The following SCN3B variants were observed in gnomAD, a reference collection of about 807,000 sequenced individuals.
SCN3B encodes sodium voltage-gated channel beta subunit 3.
Under a neutral mutation model 25.4 loss-of-function variants are expected in SCN3B, and 11 were observed. The ratio of observed to expected loss-of-function variants is 0.43; its 90% CI spans 0.27 to 0.72. The LOEUF (loss-of-function observed/expected upper bound fraction) is 0.72. Among genes scored for constraint, SCN3B ranks in the 30% least tolerant of loss-of-function variants. The pLI is 0.18. For missense variants in SCN3B, 218 were observed against 278.3 expected (o/e 0.78, Z 1.54); for synonymous variants, 109 against 110.7 (o/e 0.99, Z 0.09).
Position 123,642,849 on chromosome 11 carries a change from T to G in SCN3B, c.220-178A>C. On this transcript the variant is annotated intron_variant, in intron 3 of 6. Transcript: ENST00000299333. This position sits in a 1 kb window ranked among gnomAD's most constrained non-coding sequence, Gnocchi z 4.3. ...TGGGATGAAGAGGCACAGAGGAGGG[T>G]AGGGAAGGGAGCAAAGACAGGGAAG... is the stretch of plus-strand genomic sequence containing the variant. Among the ~76,000 whole-genome samples the G allele has an allele frequency of 6.5e-5, 9 of 139,422 alleles. No individual in the cohort carries two copies. The highest frequency in any genetic ancestry group is 4.2e-4 in the East Asian group (2 of 4,804). 91.5% of individuals were successfully genotyped at this position (139,422 alleles called of 152,430 possible). A position where few individuals can be genotyped will look rare whatever the true frequency, so the allele number is the denominator to read the frequency against.
intron 5 of SCN3B, among the ~76,000 whole-genome samples, chr11:123,636,728 C>G (rs1458217571): frequency 2.6e-5 from 4 of 151,230 alleles, no homozygotes; most frequent in African/African-American, 9.7e-5. Context: ...GAGTCTCGCT[C>G]TGTCGCCGAG....
Position 123,638,183 on chromosome 11 carries a change from T to TAA in SCN3B, c.584+2_584+3insTT. ...ATTATTACTTTGGCATCTCTGGACT[T>TAA]ACGCGTTTTCTTGGGCTGCCTCTTC... On this transcript the variant is annotated splice_region_variant and intron_variant, in intron 5 of 6. Transcript: ENST00000299333. 1.2e-6 allele frequency: 2 copies of TAA among 1,614,092 alleles called. No homozygotes were observed. Among genetic ancestry groups the TAA allele is most frequent in the Non-Finnish European group, 8.5e-7 (1 of 1,180,018 alleles).
chr11:123,634,158 T>A lies in SCN3B; in HGVS notation c.633A>T (p.Val211=). The A allele has an allele frequency of 6.2e-7, 1 of 1,613,892 alleles. No homozygotes were observed. Among genetic ancestry groups the A allele is most frequent in the Admixed American group, 1.7e-5 (1 of 60,008 alleles). The change falls in exon 6 of 7, where the codon GTA becomes GTT. Residue 211 remains valine, a synonymous_variant. Coordinates refer to ENST00000299333, the MANE Select transcript of SCN3B (RefSeq NM_001040151.2). ...IPSENKENSA[V]PVEE is the part of the protein sequence containing the mutation. ...TGCTCCTGTTCTATTCCTCCACTGG[T>A]ACCGCAGAGTTCTCCTTGTTCTCAG... is the stretch of plus-strand genomic sequence containing the variant.
intron 3 of SCN3B, among the ~76,000 whole-genome samples, chr11:123,644,454 T>G (rs1955823900): frequency 6.6e-6 from 1 of 151,972 alleles, no homozygotes; most frequent in African/African-American, 2.4e-5. Context: ...TAAATAATGG[T>G]CATCTCCAAG....
chr11:123,634,979 A>G (rs540520513), intron 5 of SCN3B, among the ~76,000 whole-genome samples: 123 of 152,286 alleles, frequency 8.1e-4, no homozygotes, highest in African/African-American at 2.9e-3. Flanking sequence ...GATTCTTTAC[A>G]TATAATGTGA....
rs201894537 is a variant in SCN3B, at chr11:123,642,520, C to T, written c.371G>A (p.Arg124Gln). The T allele has an allele frequency of 1.7e-5, 28 of 1,614,174 alleles. No homozygotes were observed. Among genetic ancestry groups the T allele is most frequent in the Non-Finnish European group, 2.0e-5 (24 of 1,180,032 alleles). Reference protein sequence around the residue: ...DSGLYTCNVSREFEFEAHRPF... With the variant: ...DSGLYTCNVSQEFEFEAHRPF... ...CCGATGCGCCTCAAACTCAAACTCC[C>T]GGGACACATTGCAGGTGTAGAGGCC... The change falls in exon 4 of 7, where the codon CGG (arginine) becomes CAG (glutamine). Residue 124 changes from arginine to glutamine, a missense_variant. Coordinates refer to ENST00000299333, the MANE Select transcript of SCN3B (RefSeq NM_001040151.2). The surrounding 1 kb of genome is among the most constrained non-coding windows in gnomAD (Gnocchi z 4.3).
Position 123,648,120 on chromosome 11 carries a change from G to T in SCN3B, c.56-2370C>A, listed in dbSNP as rs551664911. On this transcript the variant is annotated intron_variant, in intron 2 of 6. Transcript: ENST00000299333. ...TGCAGCAAGAACTCCGTGTAGTATG[G>T]AACCTCAAGGCACATTCATATTTAA... 4.2e-4 allele frequency among the ~76,000 whole-genome samples: 64 copies of T among 152,346 alleles called. 1 individual carries two copies. The South Asian group carries it at 0.013, about 31-fold the overall frequency.
At chr11:123,646,411 C>T (rs1045254533) in intron 2 of SCN3B, among the ~76,000 whole-genome samples, 1 of 152,122 alleles carries the variant, frequency 6.6e-6, no homozygotes, top group African/African-American at 2.4e-5. Flanking sequence ...GTGTCCCTTC[C>T]AGTGTGAGGT....
intron 3 of SCN3B, among the ~76,000 whole-genome samples, chr11:123,644,453 G>A (rs1449144796): frequency 6.6e-6 from 1 of 152,062 alleles, no homozygotes; most frequent in Non-Finnish European, 1.5e-5. Context: ...GTAAATAATG[G>A]TCATCTCCAA....
At chr11:123,653,854 G>C in intron 1 of SCN3B, 28 bp from the exon 2 acceptor site, 1 of 1,590,746 alleles carries the variant, frequency 6.3e-7, no homozygotes, top group Non-Finnish European at 8.6e-7. Context: ...CTCGGTCAAG[G>C]ACTGCGCCCT....
chr11:123,648,278 T>C (rs1275900465), intron 2 of SCN3B, among the ~76,000 whole-genome samples: 2 of 152,236 alleles, frequency 1.3e-5, no homozygotes, highest in African/African-American at 4.8e-5. Context: ...AAGAGTTGGG[T>C]TTGATGTACT....
intron 3 of SCN3B, among the ~76,000 whole-genome samples, chr11:123,644,826 T>C (rs1565496879): frequency 1.1e-5 from 1 of 92,694 alleles, no homozygotes; most frequent in Admixed American, 1.2e-4. Context: ...TATATATATA[T>C]ATATATATAT....
At chr11:123,648,075 G>T (rs1315446876) in intron 2 of SCN3B, among the ~76,000 whole-genome samples, 1 of 152,206 alleles carries the variant, frequency 6.6e-6, no homozygotes, top group African/African-American at 2.4e-5. Flanking sequence ...GTTTGTGAGT[G>T]GGCAGAGGGG....
At chr11:123,648,756 C>T (rs1955884959) in intron 2 of SCN3B, among the ~76,000 whole-genome samples, 1 of 152,112 alleles carries the variant, frequency 6.6e-6, no homozygotes, top group South Asian at 2.1e-4. Context: ...AACTCAAGGG[C>T]TCAAGGGGCC....
intron 4 of SCN3B, chr11:123,640,752 T>C (rs1301570099): frequency 6.6e-6 from 1 of 152,170 alleles, no homozygotes; most frequent in Non-Finnish European, 1.5e-5. Flanking sequence ...TCAACTTGCA[T>C]ATGACCTCAC....
At chr11:123,645,423 G>A (rs1379960533) in intron 3 of SCN3B, among the ~76,000 whole-genome samples, 164 bp downstream of exon 3, 3 of 152,160 alleles carry the variant, frequency 2.0e-5, no homozygotes, top group Non-Finnish European at 2.9e-5. Context: ...TCTCACAGAA[G>A]CTGGGGCTTC....
intron 3 of SCN3B, among the ~76,000 whole-genome samples, chr11:123,644,628 T>C (rs1955825884): frequency 6.6e-6 from 1 of 151,646 alleles, no homozygotes; most frequent in Non-Finnish European, 1.5e-5. Flanking sequence ...CAAAATTAGC[T>C]GGGCATGGTG....
At chr11:123,638,386 A>T in intron 4 of SCN3B, 62 bp from the exon 5 acceptor site, 1 of 1,606,264 alleles carries the variant, frequency 6.2e-7, no homozygotes, top group Non-Finnish European at 8.5e-7. Flanking sequence ...CCGTCATTGG[A>T]GCCATATTTT....
intron 2 of SCN3B, among the ~76,000 whole-genome samples, chr11:123,647,459 C>T (rs1955866619): frequency 6.6e-6 from 1 of 152,130 alleles, no homozygotes; most frequent in Admixed American, 6.6e-5. Context: ...GACTGGTTGA[C>T]AGAGTAAGAC....
Sources: gnomAD v4.1 joint callset for allele counts (sites outside exome capture counted in the v4.1 genomes callset) on GRCh38, gnomAD v4.1.1 for gene constraint, Gnocchi (gnomAD v3.1) non-coding constraint, MANE v1.5 for transcripts, NCBI Gene and HGNC (gene_info 2026-07-23, HGNC 2026-07-21) for gene names.